Variants in AFDN observed in about 807,000 individuals in gnomAD.
AFDN encodes the protein afadin, adherens junction formation factor.
A neutral mutation model predicts 216.6 loss-of-function variants in AFDN; 68 were observed. The ratio of observed to expected loss-of-function variants is 0.31; its 90% CI spans 0.26 to 0.38. The LOEUF is 0.38. Among genes scored for constraint, AFDN ranks in the 10% least tolerant of loss-of-function variants. AFDN has a pLI of 1.00. For missense variants in AFDN, 2,136 were observed against 2,342.0 expected, an observed-to-expected ratio of 0.91 and a Z score of 1.82; for synonymous variants, 868 against 853.7, an observed-to-expected ratio of 1.02 and a Z score of -0.29.
chr6:167,896,914 G>A lies in AFDN; in HGVS notation c.1259G>A (p.Arg420His), dbSNP rs1286927787. 6 of 1,613,492 alleles carry A rather than the reference G, an allele frequency of 3.7e-6. No homozygotes were observed. Among genetic ancestry groups the A allele is most frequent in the Admixed American group, 1.7e-5 (1 of 59,984 alleles). Residue 420 changes from arginine (R) to histidine (H), a missense_variant, in exon 10 of 34, where the codon CGC becomes CAC. Coordinates refer to ENST00000683244, the MANE Select transcript of AFDN (RefSeq NM_001386888.1). ...SDSRDKPKLYRLQLSVTEVGT... is the reference protein window; with the variant it reads ...SDSRDKPKLYHLQLSVTEVGT... The stretch of plus-strand genomic sequence containing the variant: ...TCTAGAGATAAGCCAAAGCTTTACC[G>A]CCTTCAGTTAAGTGTTACTGAAGTT...
chr6:167,894,887 T>G (rs1387631714), intron 9 of AFDN, among the ~76,000 whole-genome samples: 1 of 152,256 alleles, frequency 6.6e-6, no homozygotes, highest in African/African-American at 2.4e-5. Context: ...CTTTCATCTC[T>G]AAACACATTT....
In AFDN at chr6:167,966,807, T is replaced by C. The variant is rs191485988; in HGVS notation, c.5257+762T>C. ...GAGCATCCGCTAAGCTGGTTCACTG[T>C]TGGCTTCATGACCTCCGTGCAGGCT... On this transcript the variant is annotated intron_variant, in intron 32 of 33. Coordinates refer to ENST00000683244, the MANE Select transcript of AFDN (RefSeq NM_001386888.1). Among the ~76,000 whole-genome samples the C allele has an allele frequency of 9.0e-4, 137 of 152,370 alleles. 1 individual carries two copies. In the East Asian group the frequency reaches 0.021, roughly 24 times the overall value.
chr6:167,826,633 G>A, upstream of AFDN: 1 of 501,920 alleles, frequency 2.0e-6, no homozygotes. Flanking sequence ...TTTAGATCCA[G>A]CAGCGCGCGT....
At chr6:167,928,234 G>A (rs1223798682) in intron 23 of AFDN, among the ~76,000 whole-genome samples, 1 of 152,252 alleles carries the variant, frequency 6.6e-6, no homozygotes, top group Admixed American at 6.5e-5. Flanking sequence ...TTACAGCAGG[G>A]CAGAAGGAGC....
chr6:167,896,785 T>A, intron 9 of AFDN, 93 bp from the exon 10 acceptor site: 1 of 694,570 alleles, frequency 1.4e-6, no homozygotes, highest in Non-Finnish European at 2.5e-6. Flanking sequence ...AAATGAGAAC[T>A]GTAGTGCCTG....
intron 30 of AFDN, among the ~76,000 whole-genome samples, chr6:167,957,132 A>C (rs1367285556): frequency 6.6e-6 from 1 of 151,844 alleles, no homozygotes; most frequent in Non-Finnish European, 1.5e-5. Flanking sequence ...CCCTCTTGGC[A>C]CATGCAGGTG....
chr6:167,903,919 A>C (rs1233417098), intron 12 of AFDN, among the ~76,000 whole-genome samples: 1 of 152,172 alleles, frequency 6.6e-6, no homozygotes, highest in Non-Finnish European at 1.5e-5. Context: ...CCAGGCCACA[A>C]CCACGTACTT....
intron 30 of AFDN, chr6:167,952,564 T>C (rs1796113022): frequency 8.3e-6 from 8 of 962,124 alleles, no homozygotes; most frequent in South Asian, 4.8e-5. Context: ...ATTGATACTT[T>C]AGGCTTTGCA....
intron 1 of AFDN, among the ~76,000 whole-genome samples, chr6:167,860,192 A>T (rs1292107975): frequency 2.3e-5 from 2 of 86,114 alleles, no homozygotes; most frequent in South Asian, 3.0e-4. Flanking sequence ...TTTTTTAGAA[A>T]CCTTTGTCTT....
intron 25 of AFDN, 39 bp from the exon 26 acceptor site, chr6:167,943,902 G>A (rs1055249171): frequency 1.5e-5 from 23 of 1,556,194 alleles, no homozygotes; most frequent in Middle Eastern, 3.4e-4. Context: ...CAGGCACTGC[G>A]TTTTAGTCTT....
At chr6:167,927,386 T>C (rs932139600) in intron 23 of AFDN, among the ~76,000 whole-genome samples, 1 of 152,168 alleles carries the variant, frequency 6.6e-6, no homozygotes, top group East Asian at 1.9e-4. Context: ...GAGAGCAGAA[T>C]AAGGAAGGCA....
At chr6:167,855,917 C>T (rs1484709508) in intron 1 of AFDN, among the ~76,000 whole-genome samples, 1 of 152,132 alleles carries the variant, frequency 6.6e-6, no homozygotes, top group Non-Finnish European at 1.5e-5. Flanking sequence ...GGTTCACTTT[C>T]TGAGGTTACA....
intron 20 of AFDN, 65 bp downstream of exon 20, chr6:167,917,297 A>G: frequency 7.3e-7 from 1 of 1,378,932 alleles, no homozygotes; most frequent in Non-Finnish European, 9.5e-7. Context: ...ATTTGGATGA[A>G]AAAACAAAAG....
At chr6:167,939,619 C>A (rs1794438659) in intron 23 of AFDN, among the ~76,000 whole-genome samples, 1 of 152,120 alleles carries the variant, frequency 6.6e-6, no homozygotes, top group Admixed American at 6.5e-5. Context: ...ACAATACAGG[C>A]GCTCGATGGA....
intron 23 of AFDN, among the ~76,000 whole-genome samples, chr6:167,927,800 C>A (rs1406249026): frequency 2.0e-5 from 3 of 152,230 alleles, no homozygotes; most frequent in Admixed American, 6.5e-5. Context: ...CAGGCTGTTG[C>A]AATTTAAGGG....
chr6:167,857,546 T>C (rs1188950910), intron 1 of AFDN, among the ~76,000 whole-genome samples: 2 of 152,114 alleles, frequency 1.3e-5, no homozygotes, highest in African/African-American at 2.4e-5. Context: ...CAGGGGGTTC[T>C]TAAGTTGAAG....
intron 1 of AFDN, among the ~76,000 whole-genome samples, chr6:167,842,539 G>A (rs1337113496): frequency 1.5e-5 from 1 of 65,612 alleles, no homozygotes; most frequent in Non-Finnish European, 3.1e-5. Flanking sequence ...AATTTGGCTG[G>A]CATTCCTGGG....
intron 4 of AFDN, among the ~76,000 whole-genome samples, 182 bp downstream of exon 4, chr6:167,872,559 G>T (rs1784908426): frequency 6.6e-6 from 1 of 152,190 alleles, no homozygotes; most frequent in Non-Finnish European, 1.5e-5. Context: ...CCTAAGCAGG[G>T]TTCATTGCTG....
At chr6:167,895,770 G>A (rs1032591934) in intron 9 of AFDN, among the ~76,000 whole-genome samples, 6 of 152,142 alleles carry the variant, frequency 3.9e-5, no homozygotes, top group Admixed American at 2.6e-4. Context: ...CAAAGCTTAC[G>A]TTCCTAATTG....
Sources: allele counts gnomAD v4.1 joint callset (sites outside exome capture counted in the v4.1 genomes callset), GRCh38; gene constraint gnomAD v4.1.1; transcripts MANE v1.5; gene names NCBI Gene and HGNC (gene_info 2026-07-23, HGNC 2026-07-21).